Variants in CD163L1 observed in about 807,000 individuals in gnomAD.
The protein encoded by CD163L1 is CD163 molecule like 1.
A neutral mutation model predicts 165.4 loss-of-function variants in CD163L1; 124 were observed. That is an observed-to-expected ratio of 0.75 (90% CI 0.65 to 0.87). CD163L1 has a LOEUF of 0.87. CD163L1 is among the 40% of genes least tolerant of loss of function. The probability of loss-of-function intolerance (pLI) is 0.00; values close to 1 mark genes in which losing one functional copy is unlikely to be tolerated. For synonymous variants in CD163L1, 585 were observed against 662.2 expected, an observed-to-expected ratio of 0.88 and a Z score of 1.79; for missense variants, 1,525 against 1,799.9, an observed-to-expected ratio of 0.85 and a Z score of 2.76.
chr12:7,341,989 A>T (rs1946640498), downstream of CD163L1, among the ~76,000 whole-genome samples: 1 of 152,350 alleles, frequency 6.6e-6, no homozygotes, highest in African/African-American at 2.4e-5. Context: ...TAGTCAGTTC[A>T]AATCTCACAC....
At chr12:7,434,960 A>G (rs1001122761) in intron 2 of CD163L1, among the ~76,000 whole-genome samples, 6 of 152,116 alleles carry the variant, frequency 3.9e-5, no homozygotes, top group African/African-American at 1.4e-4. Context: ...TAGTGCTGCT[A>G]CTGTTTCCTA....
At chr12:7,403,891 T>C (rs1241805087) in intron 5 of CD163L1, 36 bp from the exon 6 acceptor site, 4 of 1,580,812 alleles carry the variant, frequency 2.5e-6, no homozygotes, top group Non-Finnish European at 2.6e-6. Context: ...CTGAATTGGG[T>C]TTGGGACAAT....
At position 7,431,161 on chromosome 12, in the gene CD163L1, G is replaced by A. The variant is rs142683870; in HGVS notation, c.766+1255C>T. ...TCTTCAGCCGGGTGCGGTGGCTCAC[G>A]GCTGTAATCCCTGCACTTTGGGAGG... On this transcript the variant is annotated intron_variant, in intron 4 of 19. Transcript: ENST00000313599. Among the ~76,000 whole-genome samples, 555 of 152,188 alleles carry A rather than the reference G, an allele frequency of 3.6e-3. 1 individual carries two copies. The highest frequency in any genetic ancestry group is 0.012 in the African/African-American group (517 of 41,506).
At position 7,366,421 on chromosome 12, in the gene CD163L1, A is replaced by G. The variant is rs543838422; in HGVS notation, c.4279+815T>C. On this transcript the variant is annotated intron_variant, in intron 18 of 19. Transcript: ENST00000313599. ...ATGTTTCTGGTATAATAAAAAGACA[A>G]ATATTTGAAGTGACAGATATCCCAA... is the stretch of plus-strand genomic sequence containing the variant. Among the ~76,000 whole-genome samples, 44 of 152,292 alleles carry G rather than the reference A, an allele frequency of 2.9e-4. 1 individual carries two copies. The South Asian group carries it at 8.9e-3, about 31-fold the overall frequency.
At chr12:7,410,519 G>A (rs767790691) in intron 4 of CD163L1, among the ~76,000 whole-genome samples, 3 of 151,588 alleles carry the variant, frequency 2.0e-5, no homozygotes, top group African/African-American at 4.9e-5. Flanking sequence ...CAGGAGGATC[G>A]CTTGAATCCA....
At chr12:7,390,925 T>C (rs1446080582) in intron 8 of CD163L1, among the ~76,000 whole-genome samples, 3 of 152,182 alleles carry the variant, frequency 2.0e-5, no homozygotes, top group Non-Finnish European at 4.4e-5. Flanking sequence ...AGAGAAGGAA[T>C]CTACAAGGCA....
chr12:7,378,381 A>G (rs1379466230), intron 9 of CD163L1, among the ~76,000 whole-genome samples: 1 of 152,108 alleles, frequency 6.6e-6, no homozygotes, highest in African/African-American at 2.4e-5. Flanking sequence ...CTGCAGCCAG[A>G]GTGCTGTCTT....
Position 7,368,689 on chromosome 12 carries a change from AAAG to A in CD163L1, c.4072+241_4072+243del, listed in dbSNP as rs1219859736. On this transcript the variant is annotated intron_variant, in intron 16 of 19. Transcript: ENST00000313599. This position sits in a 1 kb window ranked among gnomAD's most constrained non-coding sequence, Gnocchi z 4.3. The stretch of plus-strand genomic sequence containing the variant: ...TCATAAAGAATATTTGAGAATCTAG[AAAG>A]ATTATCTATGAGGGTACCATGAGAG... The A allele has an allele frequency of 1.2e-5, 5 of 431,896 alleles. No homozygotes were observed. The highest frequency in any genetic ancestry group is 2.1e-5 in the Non-Finnish European group (5 of 234,612). 26.8% of individuals were successfully genotyped at this position (431,896 alleles called of 1,614,324 possible).
intron 8 of CD163L1, among the ~76,000 whole-genome samples, chr12:7,385,130 C>T (rs1189683091): frequency 5.3e-5 from 8 of 150,640 alleles, no homozygotes; most frequent in Non-Finnish European, 1.2e-4. Context: ...TGAAAACAGA[C>T]ATAGACTGAA....
chr12:7,337,737 A>G, the CD163L1 span, among the ~76,000 whole-genome samples: 1 of 152,234 alleles, frequency 6.6e-6, no homozygotes, highest in East Asian at 1.9e-4. Context: ...AATTAGTTCA[A>G]CCACTGTAGA....
chr12:7,421,074 CGT>C (rs369401942), intron 4 of CD163L1, among the ~76,000 whole-genome samples: 7,840 of 90,006 alleles, frequency 0.087, 294 homozygotes, highest in African/African-American at 0.15. Flanking sequence ...TGTATATATA[CGT>C]ATATATATAC....
chr12:7,404,165 A>T (rs1359549746), intron 5 of CD163L1, among the ~76,000 whole-genome samples: 1 of 152,128 alleles, frequency 6.6e-6, no homozygotes, highest in East Asian at 1.9e-4. Flanking sequence ...AATTTAAGAA[A>T]CTAAACATTG....
the CD163L1 span, among the ~76,000 whole-genome samples, chr12:7,326,480 G>A: frequency 6.6e-6 from 1 of 152,140 alleles, no homozygotes; most frequent in African/African-American, 2.4e-5. Context: ...AAAGTCTTGG[G>A]GTTATAGGTG....
At position 7,375,776 on chromosome 12, in the gene CD163L1, G is replaced by A; in HGVS notation, c.2610C>T (p.His870=). ...GTTGAACAATGGGGCATAATGCAAG[G>A]TGAGTTTCACTCCCTTCACACTGGA... ...EKFQCEGSET[H]LALCPIVQHP... is the part of the protein sequence containing the mutation. The change falls in exon 10 of 20, where the codon CAC becomes CAT. Residue 870 remains histidine, a synonymous_variant. Coordinates refer to ENST00000313599, the MANE Select transcript of CD163L1 (RefSeq NM_174941.6). The A allele has an allele frequency of 6.2e-7, 1 of 1,614,210 alleles. No homozygotes were observed. The highest frequency in any genetic ancestry group is 1.1e-5 in the South Asian group (1 of 91,084).
chr12:7,421,456 C>CAT (rs572083778), intron 4 of CD163L1, among the ~76,000 whole-genome samples: 1 of 100,236 alleles, frequency 1.0e-5, no homozygotes, highest in Middle Eastern at 9.6e-3. Flanking sequence ...CATATATGTA[C>CAT]ATATATACAT....
chr12:7,362,153 T>C (rs1946906083), intron 18 of CD163L1, among the ~76,000 whole-genome samples: 1 of 146,736 alleles, frequency 6.8e-6, no homozygotes, highest in Non-Finnish European at 1.5e-5. Context: ...TATATATTAT[T>C]TTTATATATT....
chr12:7,430,337 T>C (rs1004798559), intron 4 of CD163L1, among the ~76,000 whole-genome samples: 4 of 152,204 alleles, frequency 2.6e-5, no homozygotes, highest in Admixed American at 2.6e-4. Flanking sequence ...GTAAGAACTC[T>C]GTCAGCCAGT....
chr12:7,421,167 G>A (rs28877869), intron 4 of CD163L1, among the ~76,000 whole-genome samples: 1 of 129,812 alleles, frequency 7.7e-6, no homozygotes, highest in Non-Finnish European at 1.6e-5. Context: ...GTATATATAT[G>A]TATATATGTA....
downstream of CD163L1, chr12:7,354,817 A>G (rs1173724798): frequency 6.6e-6 from 1 of 152,116 alleles, no homozygotes; most frequent in African/African-American, 2.4e-5. Context: ...ACGGGCACTA[A>G]TCCCATTCAT....
Sources: gnomAD v4.1 joint callset for allele counts (sites outside exome capture counted in the v4.1 genomes callset) on GRCh38, gnomAD v4.1.1 for gene constraint, Gnocchi (gnomAD v3.1) non-coding constraint, MANE v1.5 for transcripts, NCBI Gene and HGNC (gene_info 2026-07-23, HGNC 2026-07-21) for gene names.